CSMD1: variants seen among roughly 807,000 people sequenced by gnomAD.
CSMD1 encodes CUB and sushi domain-containing protein 1.
Under a neutral mutation model 417.5 loss-of-function variants are expected in CSMD1, and 213 were observed. The observed-to-expected ratio is 0.51, with a 90% confidence interval of 0.46 to 0.57. CSMD1 has a LOEUF of 0.57. CSMD1 is among the 20% of genes least tolerant of loss of function. The probability of loss-of-function intolerance (pLI) is 0.00; values close to 1 mark genes in which losing one functional copy is unlikely to be tolerated. For synonymous variants in CSMD1, 2,862 were observed against 1,736.8 expected (o/e 1.65, Z -16.11); for missense variants, 6,923 against 4,529.7 (o/e 1.53, Z -15.17).
intron 5 of CSMD1, among the ~76,000 whole-genome samples, chr8:3,951,892 G>C (rs1159751047): frequency 6.7e-6 from 1 of 150,296 alleles, no homozygotes. Context: ...CTATCCTGGA[G>C]GAAAAAAAAT....
intron 40 of CSMD1, among the ~76,000 whole-genome samples, chr8:3,146,294 C>A (rs745366894): frequency 6.6e-6 from 1 of 151,938 alleles, no homozygotes; most frequent in African/African-American, 2.4e-5. Context: ...TGGTTGAGCT[C>A]TGCCAGAGCA....
chr8:4,059,730 A>G (rs1305365419), intron 3 of CSMD1, among the ~76,000 whole-genome samples: 4 of 152,140 alleles, frequency 2.6e-5, no homozygotes, highest in Non-Finnish European at 4.4e-5. Context: ...ACACTCTCCC[A>G]AGACTAAACC....
chr8:4,270,942 G>C (rs924048292), intron 3 of CSMD1, among the ~76,000 whole-genome samples: 17 of 152,192 alleles, frequency 1.1e-4, no homozygotes, highest in Non-Finnish European at 2.4e-4. Flanking sequence ...CCCCTAGAGA[G>C]AGAGGGAGCA....
rs187452205 is a variant in CSMD1 at position 4,081,909 on chromosome 8, G to C, written c.416-49810C>G. Among the ~76,000 whole-genome samples, 442 of 152,234 alleles carry C rather than the reference G, an allele frequency of 2.9e-3. 2 individuals are homozygous for C. The highest frequency in any genetic ancestry group is 0.017 in the Middle Eastern group (5 of 294). ...GATTTAGTTACAGTAGTGCTCATGG[G>C]GGAGTGTGTAGCTTAAATACTTATA... On this transcript the variant is annotated intron_variant, in intron 3 of 69. Coordinates refer to ENST00000635120, the MANE Select transcript of CSMD1 (RefSeq NM_033225.6).
chr8:3,205,364 G>C (rs568922234), intron 31 of CSMD1, 140 bp downstream of exon 31: 1 of 566,566 alleles, frequency 1.8e-6, no homozygotes, highest in African/African-American at 1.9e-5. Flanking sequence ...ATGTTTGGAA[G>C]GCCTGCTACT....
intron 3 of CSMD1, among the ~76,000 whole-genome samples, chr8:4,147,466 C>T (rs1241310392): frequency 2.0e-5 from 3 of 152,130 alleles, no homozygotes; most frequent in African/African-American, 7.2e-5. Flanking sequence ...CATTTCAATA[C>T]CCTACATGAT....
At chr8:3,118,643 G>T in intron 41 of CSMD1, 56 bp from the exon 42 acceptor site, 1 of 1,490,578 alleles carries the variant, frequency 6.7e-7, no homozygotes, top group Non-Finnish European at 9.2e-7. Context: ...AAATTACTTC[G>T]GAATTTGCAG....
intron 1 of CSMD1, among the ~76,000 whole-genome samples, chr8:4,930,479 C>A (rs1218589737): frequency 6.6e-6 from 1 of 152,148 alleles, no homozygotes; most frequent in Non-Finnish European, 1.5e-5. Context: ...TTACTCAGCA[C>A]AGCTGTGCTG....
intron 26 of CSMD1, among the ~76,000 whole-genome samples, chr8:3,238,263 T>A (rs1046396197): frequency 2.0e-5 from 3 of 151,938 alleles, no homozygotes; most frequent in Non-Finnish European, 4.4e-5. Flanking sequence ...CACAAGATAA[T>A]GTCATCAGTT....
chr8:2,956,151 G>A (rs949778578), intron 63 of CSMD1, among the ~76,000 whole-genome samples: 5 of 151,958 alleles, frequency 3.3e-5, no homozygotes, highest in African/African-American at 1.2e-4. Context: ...ATCCTTAAAA[G>A]CCCAGTCTTA....
At chr8:4,587,473 A>G (rs1003499525) in intron 2 of CSMD1, among the ~76,000 whole-genome samples, 1 of 151,974 alleles carries the variant, frequency 6.6e-6, no homozygotes, top group Admixed American at 6.6e-5. Context: ...ATGTAGATAC[A>G]TATGTATATG....
chr8:3,783,255 C>A (rs945451664), intron 5 of CSMD1, among the ~76,000 whole-genome samples: 1 of 152,176 alleles, frequency 6.6e-6, no homozygotes, highest in African/African-American at 2.4e-5. Flanking sequence ...TAGGTGCTCC[C>A]GGAAAAACTG....
At chr8:4,573,495 C>T (rs1163422114) in intron 2 of CSMD1, among the ~76,000 whole-genome samples, 3 of 152,292 alleles carry the variant, frequency 2.0e-5, no homozygotes, top group Non-Finnish European at 2.9e-5. Flanking sequence ...CCTCTGGAAG[C>T]TTTGTCCCAG....
At chr8:4,498,315 A>G (rs1233553187) in intron 2 of CSMD1, among the ~76,000 whole-genome samples, 1 of 152,122 alleles carries the variant, frequency 6.6e-6, no homozygotes, top group Admixed American at 6.5e-5. Flanking sequence ...TATTTTATTT[A>G]ACTATTTAGA....
chr8:3,610,848 T>C (rs912432602), intron 8 of CSMD1, among the ~76,000 whole-genome samples: 2 of 152,070 alleles, frequency 1.3e-5, no homozygotes, highest in African/African-American at 4.8e-5. Flanking sequence ...TACAATACTC[T>C]AAGGTGTTAT....
chr8:3,787,679 A>C lies in CSMD1; in HGVS notation c.819-33637T>G, dbSNP rs1799521801. ...GTAATATAATTTAGTATTGTTTACAAATTATTGTAAGTTTTCACACAACTA... is the reference window on the plus strand; with the variant it reads ...GTAATATAATTTAGTATTGTTTACACATTATTGTAAGTTTTCACACAACTA... On this transcript the variant is annotated intron_variant, in intron 5 of 69. Transcript: ENST00000635120. Among the ~76,000 whole-genome samples, 5 of 152,286 alleles carry C rather than the reference A, an allele frequency of 3.3e-5. No individual in the cohort carries two copies. In the South Asian group the frequency reaches 8.3e-4, roughly 25 times the overall value.
intron 5 of CSMD1, among the ~76,000 whole-genome samples, chr8:3,951,229 G>C (rs1184604409): frequency 6.6e-6 from 1 of 152,142 alleles, no homozygotes; most frequent in Admixed American, 6.5e-5. Context: ...CTGCACAGGC[G>C]GGCACGGGTC....
At chr8:3,740,593 G>T (rs547117204) in intron 6 of CSMD1, among the ~76,000 whole-genome samples, 1 of 152,166 alleles carries the variant, frequency 6.6e-6, no homozygotes, top group Non-Finnish European at 1.5e-5. Context: ...GAAGGAGGAC[G>T]AGCAGGGGCT....
chr8:4,663,888 T>A (rs74453707), intron 1 of CSMD1, among the ~76,000 whole-genome samples: 1 of 152,138 alleles, frequency 6.6e-6, no homozygotes, highest in Non-Finnish European at 1.5e-5. Context: ...AAAAGCATCC[T>A]GGGGTTCTTC....
Sources: allele counts gnomAD v4.1 joint callset (sites outside exome capture counted in the v4.1 genomes callset), GRCh38; gene constraint gnomAD v4.1.1; transcripts MANE v1.5; gene names NCBI Gene and HGNC (gene_info 2026-07-23, HGNC 2026-07-21).